COL22A1: variants seen among roughly 807,000 people sequenced by gnomAD.
COL22A1 encodes collagen alpha-1(XXII) chain.
A neutral mutation model predicts 248.9 loss-of-function variants in COL22A1; 221 were observed. The observed-to-expected ratio is 0.89, with a 90% confidence interval of 0.80 to 0.99. COL22A1 has a LOEUF of 0.99. COL22A1 is among the 50% of genes least tolerant of loss of function. COL22A1 has a pLI of 0.00. For synonymous variants in COL22A1, 891 were observed against 793.4 expected, an observed-to-expected ratio of 1.12 and a Z score of -2.07; for missense variants, 2,240 against 2,179.0, an observed-to-expected ratio of 1.03 and a Z score of -0.56.
chr8:138,619,847 A>G (rs1819628541), intron 52 of COL22A1, among the ~76,000 whole-genome samples: 1 of 152,200 alleles, frequency 6.6e-6, no homozygotes, highest in Non-Finnish European at 1.5e-5. Flanking sequence ...GCCCACTTGC[A>G]AAAACCATGT....
At chr8:138,687,572 G>A (rs1041258960) in intron 37 of COL22A1, among the ~76,000 whole-genome samples, 1 of 152,204 alleles carries the variant, frequency 6.6e-6, no homozygotes, top group African/African-American at 2.4e-5. Flanking sequence ...GTCTCTTCCT[G>A]TCCATGGATA....
At chr8:138,755,553 C>T (rs769562521) in intron 19 of COL22A1, 42 bp from the exon 20 acceptor site, 41 of 1,610,036 alleles carry the variant, frequency 2.5e-5, no homozygotes, top group South Asian at 4.4e-5. Flanking sequence ...CTGGCATTTC[C>T]GCAACCACAG....
chr8:138,724,591 A>G, intron 25 of COL22A1, 24 bp downstream of exon 25: 1 of 1,611,924 alleles, frequency 6.2e-7, no homozygotes, highest in Non-Finnish European at 8.5e-7. Context: ...GGAGGGGAGC[A>G]GGAAGATGTT....
intron 41 of COL22A1, among the ~76,000 whole-genome samples, chr8:138,672,169 C>T (rs766816989): frequency 6.6e-6 from 1 of 152,146 alleles, no homozygotes; most frequent in African/African-American, 2.4e-5. Context: ...CATGTCCTAA[C>T]GGTGACTTCA....
intron 11 of COL22A1, among the ~76,000 whole-genome samples, chr8:138,797,376 AT>A (rs1816639140): frequency 6.6e-6 from 1 of 152,104 alleles, no homozygotes; most frequent in Non-Finnish European, 1.5e-5. Context: ...TGATTGGCTT[AT>A]TTCACTCAGC....
intron 16 of COL22A1, among the ~76,000 whole-genome samples, chr8:138,771,104 G>T (rs1834329522): frequency 6.6e-6 from 1 of 152,216 alleles, no homozygotes; most frequent in Non-Finnish European, 1.5e-5. Flanking sequence ...CAGGCCCCAG[G>T]ATCACAGTGC....
At chr8:138,806,067 T>TGTGTGTGTGAGATGGTGC (rs1817644430) in intron 10 of COL22A1, among the ~76,000 whole-genome samples, 1 of 53,842 alleles carries the variant, frequency 1.9e-5, no homozygotes, top group Non-Finnish European at 3.6e-5. Context: ...TGTGTGGTGG[T>TGTGTGTGTGAGATGGTGC]GTGTGTGATG....
rs377702025 is a variant in COL22A1 at position 138,762,451 on chromosome 8, C to T, written c.1819G>A (p.Asp607Asn). 2 of 1,614,130 alleles carry T rather than the reference C, an allele frequency of 1.2e-6. No individual in the cohort carries two copies. Among genetic ancestry groups the T allele is most frequent in the Middle Eastern group, 1.7e-4 (1 of 6,060 alleles). The change falls in exon 17 of 65, where the codon GAT becomes AAT. Residue 607 changes from aspartate (D) to asparagine (N), a missense_variant. Physicochemically the swap from Asp to Asn is conservative, Grantham distance 23. Coordinates refer to ENST00000303045, the MANE Select transcript of COL22A1 (RefSeq NM_152888.3). Reference protein sequence around the residue: ...TRGEKGERGLDGFPGKPGDTG... With the variant: ...TRGEKGERGLNGFPGKPGDTG... ...TCCCCAGGCTTCCCAGGGAATCCAT[C>T]CAGGCCTCGCTCTCCCTGGCAAAAG...
chr8:138,811,764 T>G (rs1225621957), intron 9 of COL22A1, 35 bp downstream of exon 9: 1 of 1,612,036 alleles, frequency 6.2e-7, no homozygotes, highest in Non-Finnish European at 8.5e-7. Flanking sequence ...CCACCCAGGG[T>G]TCTGCTGGGG....
intron 3 of COL22A1, among the ~76,000 whole-genome samples, chr8:138,874,632 G>C (rs1823573026): frequency 6.6e-6 from 1 of 152,174 alleles, no homozygotes; most frequent in African/African-American, 2.4e-5. Context: ...CCACTGAGAG[G>C]TGTCTTGCTG....
intron 30 of COL22A1, among the ~76,000 whole-genome samples, chr8:138,705,383 A>G (rs896995409): frequency 1.3e-5 from 2 of 152,212 alleles, no homozygotes; most frequent in African/African-American, 4.8e-5. Context: ...AGCCAGAGGG[A>G]AAGGTCGGTT....
intron 47 of COL22A1, among the ~76,000 whole-genome samples, chr8:138,645,673 G>A (rs892673896): frequency 6.6e-6 from 1 of 152,294 alleles, no homozygotes; most frequent in Non-Finnish European, 1.5e-5. Context: ...CAAAAGGCCA[G>A]AAAGGTTAAG....
chr8:138,748,747 G>C (rs1832342712), intron 22 of COL22A1, among the ~76,000 whole-genome samples: 1 of 152,206 alleles, frequency 6.6e-6, no homozygotes, highest in South Asian at 2.1e-4. Context: ...ATCAGGCCAA[G>C]CACCATTGCA....
At chr8:138,733,382 C>T (rs1054059401) in intron 23 of COL22A1, among the ~76,000 whole-genome samples, 2 of 152,132 alleles carry the variant, frequency 1.3e-5, no homozygotes, top group African/African-American at 4.8e-5. Flanking sequence ...TCCCAGCCAC[C>T]CTGGGGCTTT....
At chr8:138,886,640 C>A (rs936801299) in intron 1 of COL22A1, among the ~76,000 whole-genome samples, 4 of 152,178 alleles carry the variant, frequency 2.6e-5, no homozygotes, top group African/African-American at 9.7e-5. Context: ...TAAAAGATTA[C>A]TTAAGTGCCT....
intron 41 of COL22A1, among the ~76,000 whole-genome samples, chr8:138,664,209 G>GCACACACA (rs1173353118): frequency 1.8e-4 from 19 of 103,196 alleles, no homozygotes; most frequent in East Asian, 6.5e-4. Flanking sequence ...GCGCGCGCGC[G>GCACACACA]CACACACACA....
chr8:138,687,363 C>T (rs758877206), intron 37 of COL22A1, among the ~76,000 whole-genome samples: 65 of 152,232 alleles, frequency 4.3e-4, no homozygotes, highest in Admixed American at 1.3e-3. Context: ...TTCTGGGAGA[C>T]GTGTATCTTA....
intron 4 of COL22A1, among the ~76,000 whole-genome samples, chr8:138,838,200 A>AG (rs1820581949): frequency 6.6e-6 from 1 of 152,144 alleles, no homozygotes; most frequent in African/African-American, 2.4e-5. Context: ...ATCTGTGCAA[A>AG]GGGGATAGGC....
Position 138,852,112 on chromosome 8 carries a change from A to G in COL22A1, c.659-7954T>C, listed in dbSNP as rs115946446. Among the ~76,000 whole-genome samples the G allele has an allele frequency of 7.6e-3, 1,164 of 152,264 alleles. 15 individuals are homozygous for G. The highest frequency in any genetic ancestry group is 0.027 in the African/African-American group (1,115 of 41,552). ...TGGAGGTGAGGAAGAGTGGGGACAC[A>G]TGGCTGGAACAGTTCAGCAAAGGGA... On this transcript the variant is annotated intron_variant, in intron 3 of 64. Transcript: ENST00000303045.
Sources: allele counts gnomAD v4.1 joint callset (sites outside exome capture counted in the v4.1 genomes callset), GRCh38; gene constraint gnomAD v4.1.1; transcripts MANE v1.5; gene names NCBI Gene and HGNC (gene_info 2026-07-23, HGNC 2026-07-21).